BMP5: variants seen among roughly 807,000 people sequenced by gnomAD.
The protein encoded by BMP5 is bone morphogenetic protein 5.
A neutral mutation model predicts 46.6 loss-of-function variants in BMP5; 23 were observed. The observed-to-expected ratio is 0.49, with a 90% CI of 0.35 to 0.70. The LOEUF is 0.70. Ranked by LOEUF, BMP5 falls within the 30% of genes least tolerant of loss-of-function variation. The pLI is 0.00. For synonymous variants in BMP5, 204 were observed against 191.9 expected (o/e 1.06, Z -0.52); for missense variants, 545 against 565.6 (o/e 0.96, Z 0.37).
At chr6:55,759,588 A>G (rs1246649045) in intron 5 of BMP5, among the ~76,000 whole-genome samples, 3 of 151,984 alleles carry the variant, frequency 2.0e-5, no homozygotes, top group Admixed American at 6.6e-5. Context: ...TCTTAGTTTT[A>G]TAAGTCTGAC....
At position 55,818,985 on chromosome 6, in the gene BMP5, G is replaced by A. The variant is rs540115801; in HGVS notation, c.683+670C>T. Among the ~76,000 whole-genome samples, 4 of 152,238 alleles carry A rather than the reference G, an allele frequency of 2.6e-5. No individual in the cohort carries two copies. The East Asian group carries it at 7.7e-4, about 29-fold the overall frequency. On this transcript the variant is annotated intron_variant, in intron 2 of 6. Coordinates refer to ENST00000370830, the MANE Select transcript of BMP5 (RefSeq NM_021073.4). ...AGACAGACAGACAGATAGATAGATA[G>A]ATGGTAGATCTGAGCTGTCTGACAA...
intron 1 of BMP5, among the ~76,000 whole-genome samples, chr6:55,853,724 A>G (rs182026961): frequency 1.1e-3 from 163 of 152,290 alleles, no homozygotes; most frequent in African/African-American, 3.6e-3. Context: ...TTTAATAAAC[A>G]TTGTATTCCA....
At chr6:55,776,590 T>TA (rs1775178328) in intron 3 of BMP5, among the ~76,000 whole-genome samples, 1 of 152,000 alleles carries the variant, frequency 6.6e-6, no homozygotes, top group Non-Finnish European at 1.5e-5. Context: ...TTTGATATTT[T>TA]AATGAAGTGT....
At chr6:55,794,201 G>T (rs956402766) in intron 3 of BMP5, 78 bp downstream of exon 3, 3 of 1,472,274 alleles carry the variant, frequency 2.0e-6, no homozygotes, top group Non-Finnish European at 2.8e-6. Flanking sequence ...ACATATATTG[G>T]TTATATCACA....
intron 2 of BMP5, among the ~76,000 whole-genome samples, chr6:55,807,582 G>C (rs1051955779): frequency 6.6e-6 from 1 of 151,950 alleles, no homozygotes; most frequent in East Asian, 1.9e-4. Flanking sequence ...CCCCATAAAA[G>C]GAAGGAAGGA....
chr6:55,844,253 G>T (rs1314176011), intron 1 of BMP5, among the ~76,000 whole-genome samples: 2 of 151,964 alleles, frequency 1.3e-5, no homozygotes, highest in Non-Finnish European at 2.9e-5. Context: ...TGATTTATCT[G>T]TTCTTTTAAC....
intron 1 of BMP5, among the ~76,000 whole-genome samples, chr6:55,825,056 T>G (rs1292508542): frequency 6.6e-6 from 1 of 151,948 alleles, no homozygotes; most frequent in Non-Finnish European, 1.5e-5. Context: ...AACATAGGGT[T>G]GTTTATTTAT....
intron 3 of BMP5, among the ~76,000 whole-genome samples, chr6:55,791,337 T>C (rs1344768001): frequency 6.6e-6 from 1 of 152,212 alleles, no homozygotes; most frequent in Non-Finnish European, 1.5e-5. Flanking sequence ...TTAAAATCTG[T>C]TTTAAGTACT....
chr6:55,768,631 C>T (rs560417112), intron 4 of BMP5, among the ~76,000 whole-genome samples: 21 of 151,948 alleles, frequency 1.4e-4, no homozygotes, highest in African/African-American at 1.7e-4. Context: ...ACTTGCCCTA[C>T]GAAATCACCA....
chr6:55,837,945 C>T (rs117324515), intron 1 of BMP5, among the ~76,000 whole-genome samples: 3 of 152,196 alleles, frequency 2.0e-5, no homozygotes, highest in South Asian at 4.1e-4. Context: ...TTTACTTAAC[C>T]TAATGATACC....
At chr6:55,830,315 C>T (rs1048872837) in intron 1 of BMP5, among the ~76,000 whole-genome samples, 1 of 152,054 alleles carries the variant, frequency 6.6e-6, no homozygotes, top group African/African-American at 2.4e-5. Flanking sequence ...TAATTAGAGT[C>T]AAGGGATCCT....
intron 3 of BMP5, among the ~76,000 whole-genome samples, chr6:55,782,304 G>GTA (rs772686522): frequency 2.6e-5 from 4 of 152,158 alleles, no homozygotes; most frequent in Non-Finnish European, 4.4e-5. Flanking sequence ...TGGAGTTTTA[G>GTA]TATTTGGGGC....
chr6:55,824,688 G>C (rs558668632), intron 1 of BMP5, among the ~76,000 whole-genome samples: 1 of 150,896 alleles, frequency 6.6e-6, no homozygotes, highest in Non-Finnish European at 1.5e-5. Context: ...CATTTCTCTC[G>C]TGTGAGAATA....
At chr6:55,844,890 T>G (rs1270246683) in intron 1 of BMP5, among the ~76,000 whole-genome samples, 1 of 152,028 alleles carries the variant, frequency 6.6e-6, no homozygotes, top group Non-Finnish European at 1.5e-5. Context: ...TAGCTAAAAA[T>G]GTATATTTTG....
intron 2 of BMP5, among the ~76,000 whole-genome samples, chr6:55,812,550 TA>T (rs1272123041): frequency 6.6e-6 from 1 of 152,208 alleles, no homozygotes; most frequent in African/African-American, 2.4e-5. Context: ...TCCTAGGCAG[TA>T]TCTTAGGGAA....
chr6:55,839,471 C>T (rs1776899491), intron 1 of BMP5, among the ~76,000 whole-genome samples: 2 of 152,042 alleles, frequency 1.3e-5, no homozygotes, highest in African/African-American at 2.4e-5. Context: ...CATTCACAAC[C>T]ACCAGGCTAA....
chr6:55,809,024 C>T (rs1270932306), intron 2 of BMP5, among the ~76,000 whole-genome samples: 1 of 152,160 alleles, frequency 6.6e-6, no homozygotes, highest in African/African-American at 2.4e-5. Context: ...CGCTGACTTG[C>T]TATACTCAGG....
Position 55,875,109 on chromosome 6 carries a change from A to C in BMP5, c.-244T>G. On this transcript the variant is annotated 5_prime_UTR_variant, in exon 1 of 7. Coordinates refer to ENST00000370830, the MANE Select transcript of BMP5 (RefSeq NM_021073.4). ...CTGAAACTCAGATTTCCAATTATCC[A>C]CAGTTGTTAAGAGTTTTTGCTGCAT... 1 of 448,470 alleles carries C rather than the reference A, an allele frequency of 2.2e-6. No individual in the cohort carries two copies. The highest frequency in any genetic ancestry group is 2.4e-5 in the South Asian group (1 of 41,524). The allele number at this position is 448,470 out of a possible 1,614,324, so 27.8% of individuals were successfully genotyped here.
chr6:55,869,752 G>A (rs2127556234), intron 1 of BMP5, among the ~76,000 whole-genome samples: 1 of 152,304 alleles, frequency 6.6e-6, no homozygotes, highest in African/African-American at 2.4e-5. Context: ...AACAATTACA[G>A]GGGATGGCAA....
Sources: allele counts gnomAD v4.1 joint callset (sites outside exome capture counted in the v4.1 genomes callset), GRCh38; gene constraint gnomAD v4.1.1; transcripts MANE v1.5; gene names NCBI Gene and HGNC (gene_info 2026-07-23, HGNC 2026-07-21).